Variants in NR5A1 observed in about 807,000 individuals in gnomAD.
The protein encoded by NR5A1 is nuclear receptor subfamily 5 group A member 1, also known as steroidogenic factor 1.
In NR5A1, 6 loss-of-function variants were observed where a neutral mutation model predicts 42.7. That is an observed-to-expected ratio of 0.14 (90% CI 0.08 to 0.28). The LOEUF (loss-of-function observed/expected upper bound fraction) is 0.28. NR5A1 is among the 10% of genes least tolerant of loss of function. NR5A1 has a pLI of 1.00. For missense variants in NR5A1, 442 were observed against 626.4 expected (o/e 0.71, Z 3.14); for synonymous variants, 274 against 277.5 (o/e 0.99, Z 0.12).
rs1212432168 is a variant in NR5A1, at chr9:124,498,306, C to T, written c.870+1784G>A. Among the ~76,000 whole-genome samples the T allele has an allele frequency of 6.6e-6, 1 of 152,244 alleles. No homozygotes were observed. The highest frequency in any genetic ancestry group is 1.5e-5 in the Non-Finnish European group (1 of 68,048). On this transcript the variant is annotated intron_variant, in intron 4 of 6. Transcript: ENST00000373588. The surrounding 1 kb of genome is among the most constrained non-coding windows in gnomAD (Gnocchi z 4.6). ...CTCTAAGGGCTGGGCTGGTACTTATCTGCAAGGCCCCTTTAGAGAAGCTGG... is the reference window on the plus strand; with the variant it reads ...CTCTAAGGGCTGGGCTGGTACTTATTTGCAAGGCCCCTTTAGAGAAGCTGG...
At chr9:124,487,589 T>TGCGGAGGCAGGC (rs1410425828) in intron 6 of NR5A1, among the ~76,000 whole-genome samples, 3 of 152,234 alleles carry the variant, frequency 2.0e-5, no homozygotes, top group Admixed American at 1.3e-4. Context: ...GGCACCCTTA[T>TGCGGAGGCAGGC]GCGGAGGCAG....
At chr9:124,486,547 A>T (rs1314665767) in intron 6 of NR5A1, among the ~76,000 whole-genome samples, 1 of 152,144 alleles carries the variant, frequency 6.6e-6, no homozygotes, top group Non-Finnish European at 1.5e-5. Context: ...GGGATTGGAC[A>T]TAACTTTATG....
intron 6 of NR5A1, among the ~76,000 whole-genome samples, chr9:124,489,927 C>T (rs1240609041): frequency 1.3e-5 from 2 of 152,152 alleles, no homozygotes; most frequent in Admixed American, 6.5e-5. Context: ...ACCAATCCCA[C>T]CCAAGCACTG....
chr9:124,503,527 G>T lies in NR5A1; in HGVS notation c.-15-117C>A. 1.2e-6 allele frequency: 1 copy of T among 805,702 alleles called. No individual in the cohort carries two copies. The highest frequency in any genetic ancestry group is 2.0e-5 in the South Asian group (1 of 48,874). The allele number at this position is 805,702 out of a possible 1,614,324, so 49.9% of individuals were successfully genotyped here. ...CGCGTAATCCCCTCTCTGTGCCCAG[G>T]CGCTGCCGCCGGCACCCACCGAGCG... is the stretch of plus-strand genomic sequence containing the variant. On this transcript the variant is annotated intron_variant, in intron 1 of 6. Coordinates refer to ENST00000373588, the MANE Select transcript of NR5A1 (RefSeq NM_004959.5). The surrounding 1 kb of genome is among the most constrained non-coding windows in gnomAD (Gnocchi z 9.6).
chr9:124,496,665 C>T lies in NR5A1; in HGVS notation c.870+3425G>A, dbSNP rs1035816242. ...CCACGGGCTGGCCACTGCGCTCTGC[C>T]GGCAGAGTGGTCAGTGAGGTGTCAT... is the stretch of plus-strand genomic sequence containing the variant. On this transcript the variant is annotated intron_variant, in intron 4 of 6. Transcript: ENST00000373588. This position sits in a 1 kb window ranked among gnomAD's most constrained non-coding sequence, Gnocchi z 5.0. Among the ~76,000 whole-genome samples the T allele has an allele frequency of 6.6e-6, 1 of 152,328 alleles. No homozygotes were observed. Among genetic ancestry groups the T allele is most frequent in the East Asian group, 1.9e-4 (1 of 5,192 alleles).
intron 6 of NR5A1, among the ~76,000 whole-genome samples, chr9:124,486,002 C>T (rs553548004): frequency 6.7e-6 from 1 of 150,368 alleles, no homozygotes; most frequent in Non-Finnish European, 1.5e-5. Flanking sequence ...GCCAGGATAC[C>T]GCAGTAGGGG....
rs1370975115 is a variant in NR5A1, at chr9:124,503,496, GC to G, written c.-15-87del. ...GCCGCCGCCCCAGCCGCTGTCGCCG[GC>G]CCGTCGCGTAATCCCCTCTCTGTGC... On this transcript the variant is annotated intron_variant, in intron 1 of 6. Coordinates refer to ENST00000373588, the MANE Select transcript of NR5A1 (RefSeq NM_004959.5). The surrounding 1 kb of genome is among the most constrained non-coding windows in gnomAD (Gnocchi z 9.6). 4 of 1,125,262 alleles carry G rather than the reference GC, an allele frequency of 3.6e-6. No homozygotes were observed. The East Asian group carries it at 1.1e-4, about 31-fold the overall frequency. 69.7% of individuals were successfully genotyped at this position (1,125,262 alleles called of 1,614,324 possible).
chr9:124,491,349 G>A (rs1032412094), intron 5 of NR5A1, 121 bp from the exon 6 acceptor site: 41 of 764,484 alleles, frequency 5.4e-5, no homozygotes, highest in Admixed American at 4.6e-4. Context: ...ATGGGCTGGC[G>A]TCAGGAGGGC....
chr9:124,490,654 T>G (rs1054473856), intron 6 of NR5A1, among the ~76,000 whole-genome samples: 5 of 151,206 alleles, frequency 3.3e-5, no homozygotes, highest in Admixed American at 6.6e-5. Flanking sequence ...GCTTGGGGGG[T>G]TTTTGCTCAC....
In NR5A1 at chr9:124,501,224, A is replaced by G. The variant is rs1832466405; in HGVS notation, c.245-509T>C. On this transcript the variant is annotated intron_variant, in intron 3 of 6. Transcript: ENST00000373588. The surrounding 1 kb of genome is among the most constrained non-coding windows in gnomAD (Gnocchi z 4.1). Reference sequence around the variant, plus strand: ...GTCTAGCATAAGGCCTGGCAGGGAGATGGTGACCGGAAGGGGACCCTGGTC... The same window carrying G: ...GTCTAGCATAAGGCCTGGCAGGGAGGTGGTGACCGGAAGGGGACCCTGGTC... 6.6e-6 allele frequency among the ~76,000 whole-genome samples: 1 copy of G among 152,056 alleles called. No homozygotes were observed. Among genetic ancestry groups the G allele is most frequent in the South Asian group, 2.1e-4 (1 of 4,818 alleles).
intron 4 of NR5A1, among the ~76,000 whole-genome samples, chr9:124,497,279 G>T (rs575335873): frequency 6.6e-6 from 1 of 152,334 alleles, no homozygotes; most frequent in Non-Finnish European, 1.5e-5. Context: ...GAGGCCCGGA[G>T]GAGTGAAGTC....
chr9:124,498,448 A>G lies in NR5A1; in HGVS notation c.870+1642T>C, dbSNP rs955440086. 6.6e-6 allele frequency among the ~76,000 whole-genome samples: 1 copy of G among 152,156 alleles called. No individual in the cohort carries two copies. Among genetic ancestry groups the G allele is most frequent in the South Asian group, 2.1e-4 (1 of 4,820 alleles). ...AAACACTCAGCAAAGCTGGGACAAA[A>G]GCCCTTCCCATCCTGCGTGAAAATC... On this transcript the variant is annotated intron_variant, in intron 4 of 6. Transcript: ENST00000373588. The surrounding 1 kb of genome is among the most constrained non-coding windows in gnomAD (Gnocchi z 4.6).
rs182965085 is a variant in NR5A1 at position 124,506,734 on chromosome 9, G to A, written c.-16+515C>T. Reference sequence around the variant, plus strand: ...GAGGCACCCACCCCCACAGGTTCCAGGTTCCAGCCCACCGCCTGGGGAGTT... The same window carrying A: ...GAGGCACCCACCCCCACAGGTTCCAAGTTCCAGCCCACCGCCTGGGGAGTT... On this transcript the variant is annotated intron_variant, in intron 1 of 6. Transcript: ENST00000373588. Among the ~76,000 whole-genome samples the A allele has an allele frequency of 7.9e-5, 12 of 152,290 alleles. No homozygotes were observed. In the East Asian group the frequency reaches 2.3e-3, roughly 29 times the overall value.
At chr9:124,506,744 C>G (rs928394313) in intron 1 of NR5A1, among the ~76,000 whole-genome samples, 2 of 152,208 alleles carry the variant, frequency 1.3e-5, no homozygotes, top group African/African-American at 4.8e-5. Context: ...GGTTCCAGCC[C>G]ACCGCCTGGG....
chr9:124,486,593 C>CA (rs1832213402), intron 6 of NR5A1, among the ~76,000 whole-genome samples: 1 of 152,200 alleles, frequency 6.6e-6, no homozygotes, highest in South Asian at 2.1e-4. Flanking sequence ...CGAGATCCCC[C>CA]ACCCCTGGGG....
chr9:124,493,218 T>G, intron 4 of NR5A1, 69 bp from the exon 5 acceptor site: 1 of 1,549,822 alleles, frequency 6.5e-7, no homozygotes, highest in Non-Finnish European at 8.7e-7. Flanking sequence ...TCACCCCTTC[T>G]CCTCCCACTG....
At chr9:124,484,188 G>T (rs1832172768) in intron 6 of NR5A1, among the ~76,000 whole-genome samples, 1 of 152,180 alleles carries the variant, frequency 6.6e-6, no homozygotes, top group South Asian at 2.1e-4. Flanking sequence ...CATGCTTTCT[G>T]CGGAATGCAT....
chr9:124,492,892 C>T lies in NR5A1; in HGVS notation c.990+138G>A, dbSNP rs553214291. Reference sequence around the variant, plus strand: ...TTTGGGCCAGTGGGTGTTCCATGAACGTGGGGAAAGGGCTGATAATTAGGG... The same window carrying T: ...TTTGGGCCAGTGGGTGTTCCATGAATGTGGGGAAAGGGCTGATAATTAGGG... On this transcript the variant is annotated intron_variant, in intron 5 of 6. Coordinates refer to ENST00000373588, the MANE Select transcript of NR5A1 (RefSeq NM_004959.5). 140 of 1,091,652 alleles carry T rather than the reference C, an allele frequency of 1.3e-4. 1 individual carries two copies. The South Asian group carries it at 2.0e-3, about 15-fold the overall frequency. The allele number at this position is 1,091,652 out of a possible 1,614,324, so 67.6% of individuals were successfully genotyped here.
intron 1 of NR5A1, among the ~76,000 whole-genome samples, chr9:124,505,072 G>A (rs1225927737): frequency 1.3e-5 from 2 of 151,796 alleles, no homozygotes; most frequent in African/African-American, 4.8e-5. Context: ...CTCCCCCCAA[G>A]CCCGGCCCGC....
Sources: allele counts gnomAD v4.1 joint callset (sites outside exome capture counted in the v4.1 genomes callset), GRCh38; gene constraint gnomAD v4.1.1; non-coding constraint Gnocchi (gnomAD v3.1); transcripts MANE v1.5; gene names NCBI Gene and HGNC (gene_info 2026-07-23, HGNC 2026-07-21).